RPS6: variants seen among roughly 807,000 people sequenced by gnomAD.
The protein encoded by RPS6 is small ribosomal subunit protein eS6.
In RPS6, 1 loss-of-function variant was observed where a neutral mutation model predicts 27.1. That is an observed-to-expected ratio of 0.04 (90% CI 0.01 to 0.18). The LOEUF (loss-of-function observed/expected upper bound fraction) is 0.18, where lower values mean the gene tolerates loss of function less well. Ranked by LOEUF, RPS6 falls within the 10% of genes least tolerant of loss-of-function variation. The pLI is 1.00. For missense variants in RPS6, 259 were observed against 319.1 expected, an observed-to-expected ratio of 0.81 and a Z score of 1.44; for synonymous variants, 152 against 106.0, an observed-to-expected ratio of 1.43 and a Z score of -2.66.
intron 2 of RPS6, chr9:19,379,264 C>G: frequency 1.4e-6 from 2 of 1,439,020 alleles, no homozygotes; most frequent in Non-Finnish European, 1.8e-6. Flanking sequence ...ATGCATGATG[C>G]AGGGCAAGAA....
At chr9:19,377,196 T>C (rs1408495094) in intron 4 of RPS6, among the ~76,000 whole-genome samples, 2 of 152,216 alleles carry the variant, frequency 1.3e-5, no homozygotes, top group Admixed American at 6.5e-5. Context: ...TTCAGATGTA[T>C]TTGTTTCATG....
chr9:19,376,639 C>T lies in RPS6; in HGVS notation c.509G>A (p.Arg170Lys). The T allele has an allele frequency of 6.2e-7, 1 of 1,606,682 alleles. No homozygotes were observed. Among genetic ancestry groups the T allele is most frequent in the Non-Finnish European group, 8.5e-7 (1 of 1,178,278 alleles). The change falls in exon 5 of 6, where the codon AGG becomes AAG. Residue 170 changes from arginine to lysine, a missense_variant. Arg to Lys is a conservative substitution (Grantham distance 26). Transcript: ENST00000380394. Reference protein sequence around the residue: ...KPLNKEGKKPRTKAPKIQRLV... With the variant: ...KPLNKEGKKPKTKAPKIQRLV... ...ACGCTGAATCTTGGGTGCTTTGGTC[C>T]TAGGTTTCTTACCTAAAAATTCAAA...
chr9:19,378,632 T>C (rs983569414), intron 3 of RPS6, 76 bp downstream of exon 3: 1 of 1,576,660 alleles, frequency 6.3e-7, no homozygotes, highest in Non-Finnish European at 8.7e-7. Flanking sequence ...TAAGTCTGGA[T>C]ACTGCAAATG....
intron 4 of RPS6, 186 bp from the exon 5 acceptor site, chr9:19,376,837 TAAATATTATAA>T (rs1829596591): frequency 2.0e-6 from 1 of 498,206 alleles, no homozygotes; most frequent in Non-Finnish European, 3.4e-6. Context: ...GAAGATTGGT[TAAATATTATAA>T]AAATATAAGG....
chr9:19,379,534 G>C lies in RPS6; in HGVS notation c.91C>G (p.Arg31Gly), dbSNP rs1829644493. 1 of 1,614,098 alleles carries C rather than the reference G, an allele frequency of 6.2e-7. No individual in the cohort carries two copies. Among genetic ancestry groups the C allele is most frequent in the Non-Finnish European group, 8.5e-7 (1 of 1,180,022 alleles). Reference protein sequence around the residue: ...ERKLRTFYEKRMATEVAADAL... With the variant: ...ERKLRTFYEKGMATEVAADAL... ...TCAGCAGCAACTTCTGTGGCCATAC[G>C]CTTCTCATAGAAAGTACGAAGTTTG... is the stretch of plus-strand genomic sequence containing the variant. The change falls in exon 2 of 6, where the codon CGT becomes GGT. Residue 31 changes from arginine to glycine, a missense_variant. Transcript: ENST00000380394.
At chr9:19,376,427 G>A (rs989430879) in intron 5 of RPS6, 39 bp from the exon 6 acceptor site, 1 of 1,612,722 alleles carries the variant, frequency 6.2e-7, no homozygotes, top group African/African-American at 1.3e-5. Context: ...AGGCCTTTCT[G>A]GGTTAAAGAC....
At chr9:19,378,569 A>C (rs2132427600) in intron 3 of RPS6, 55 bp from the exon 4 acceptor site, 2 of 1,598,966 alleles carry the variant, frequency 1.3e-6, no homozygotes, top group South Asian at 1.1e-5. Context: ...AAGAATCCTA[A>C]ATCAGAATGT....
intron 4 of RPS6, chr9:19,376,868 T>C (rs1829597328): frequency 4.6e-6 from 2 of 434,138 alleles, no homozygotes; most frequent in African/African-American, 2.0e-5. Flanking sequence ...GGAAACCAAG[T>C]CCTGAAAAAT....
At chr9:19,379,083 C>T (rs1829636493) in intron 2 of RPS6, 165 bp from the exon 3 acceptor site, 8 of 806,964 alleles carry the variant, frequency 9.9e-6, no homozygotes, top group Non-Finnish European at 1.5e-5. Flanking sequence ...TCTATATTCC[C>T]AACTTGTCAA....
intron 4 of RPS6, among the ~76,000 whole-genome samples, chr9:19,377,378 C>T (rs1829605794): frequency 6.7e-6 from 1 of 148,576 alleles, no homozygotes; most frequent in African/African-American, 2.5e-5. Flanking sequence ...CAACTGCCAC[C>T]TATTTGTCAA....
chr9:19,379,568 G>T lies in RPS6; in HGVS notation c.57C>A (p.Asp19Glu). 3 of 1,614,132 alleles carry T rather than the reference G, an allele frequency of 1.9e-6. No homozygotes were observed. The highest frequency in any genetic ancestry group is 2.5e-6 in the Non-Finnish European group (3 of 1,180,036). Residue 19 changes from aspartate to glutamate, a missense_variant, in exon 2 of 6, where the codon GAC (aspartate) becomes GAA (glutamate). Physicochemically the swap from Asp to Glu is conservative, Grantham distance 45 (BLOSUM62 2). Around this residue, in one of 3 missense-constraint regions of RPS6, gnomAD observed 65 missense variants for 66.6 expected, o/e 0.98. Coordinates refer to ENST00000380394, the MANE Select transcript of RPS6 (RefSeq NM_001010.3). ...ATGCQKLIEVDDERKLRTFYE... is the reference protein window; with the variant it reads ...ATGCQKLIEVEDERKLRTFYE... Reference sequence around the variant, plus strand: ...AGAAAGTACGAAGTTTGCGTTCATCGTCCACTTCAATGAGTTTCTGGCAGC... The same window carrying T: ...AGAAAGTACGAAGTTTGCGTTCATCTTCCACTTCAATGAGTTTCTGGCAGC...
At chr9:19,378,978 A>T in intron 2 of RPS6, 60 bp from the exon 3 acceptor site, 21 of 1,512,504 alleles carry the variant, frequency 1.4e-5, no homozygotes, top group Non-Finnish European at 1.9e-5. Context: ...TATACAGTAC[A>T]GGATTGTGAC....
rs115304926 is a variant in RPS6 at position 19,376,167 on chromosome 9, C to T, written c.*126G>A. The T allele has an allele frequency of 5.8e-3, 4,520 of 779,016 alleles. 147 individuals carry two copies. The African/African-American group carries it at 0.071, about 12-fold the overall frequency. 48.3% of individuals were successfully genotyped at this position (779,016 alleles called of 1,614,324 possible). A position where few individuals can be genotyped will look rare whatever the true frequency, so the allele number is the denominator to read the frequency against. On this transcript the variant is annotated 3_prime_UTR_variant, in exon 6 of 6. Transcript: ENST00000380394. ...CTGACTTTATCCACCATTGGAATAC[C>T]ATATATACATATCCCCATTTTCTAT...
In RPS6 at chr9:19,378,308, C is replaced by T. The variant is rs1367975009; in HGVS notation, c.496+60G>A. The T allele has an allele frequency of 3.2e-6, 5 of 1,544,018 alleles. No homozygotes were observed. In the African/African-American group the frequency reaches 6.8e-5, roughly 21 times the overall value. The stretch of plus-strand genomic sequence containing the variant: ...GCACATATTTATCTTCTGATATGCA[C>T]ACAAAATGATAGACAAATTACCAAA... On this transcript the variant is annotated intron_variant, in intron 4 of 5. Transcript: ENST00000380394.
intron 5 of RPS6, 30 bp from the exon 6 acceptor site, chr9:19,376,418 G>C (rs1215831718): frequency 1.2e-6 from 2 of 1,613,022 alleles, no homozygotes; most frequent in East Asian, 2.2e-5. Flanking sequence ...AAACAGTTAA[G>C]GCCTTTCTGG....
intron 4 of RPS6, among the ~76,000 whole-genome samples, chr9:19,377,072 A>G (rs1025356510): frequency 6.6e-6 from 1 of 152,224 alleles, no homozygotes; most frequent in Non-Finnish European, 1.5e-5. Context: ...ATTCAGGGGT[A>G]ACGTTAACTA....
intron 1 of RPS6, chr9:19,379,875 C>CGGGAGGGTG: frequency 7.0e-7 from 1 of 1,423,286 alleles, no homozygotes; most frequent in Non-Finnish European, 9.1e-7. Flanking sequence ...AGCCGTTCAC[C>CGGGAGGGTG]CTCCCGAAGC....
rs759695423 is a variant in RPS6 at position 19,380,175 on chromosome 9, G to T, written c.6+15C>A. The T allele has an allele frequency of 1.3e-5, 21 of 1,614,080 alleles. No individual in the cohort carries two copies. The highest frequency in any genetic ancestry group is 1.7e-5 in the Non-Finnish European group (20 of 1,180,020). On this transcript the variant is annotated intron_variant, in intron 1 of 5. Transcript: ENST00000380394. ...GTTCCCCAAACCCAGTCTAACACTCGCCACCATCACCTACCTTCATCTTGA... is the reference window on the plus strand; with the variant it reads ...GTTCCCCAAACCCAGTCTAACACTCTCCACCATCACCTACCTTCATCTTGA...
chr9:19,376,262 C>T lies in RPS6; in HGVS notation c.*31G>A. 1 of 1,555,014 alleles carries T rather than the reference C, an allele frequency of 6.4e-7. No homozygotes were observed. The highest frequency in any genetic ancestry group is 1.1e-5 in the South Asian group (1 of 88,014). On this transcript the variant is annotated 3_prime_UTR_variant, in exon 6 of 6. Coordinates refer to ENST00000380394, the MANE Select transcript of RPS6 (RefSeq NM_001010.3). ...ATGAAAAGTCAACAGAGATCAGAGT[C>T]TGATCTTATTTATTTGTTACTCAAA...
Sources: allele counts gnomAD v4.1 joint callset (sites outside exome capture counted in the v4.1 genomes callset), GRCh38; gene constraint gnomAD v4.1.1; regional missense constraint gnomAD v4.1.1; transcripts MANE v1.5; gene names NCBI Gene and HGNC (gene_info 2026-07-23, HGNC 2026-07-21).